The following SLC37A1 variants were observed in gnomAD, a reference collection of about 807,000 sequenced individuals.
SLC37A1 encodes the protein solute carrier family 37 member 1.
SLC37A1 carries 49 observed loss-of-function variants against 75.3 expected under a neutral mutation model. That is an observed-to-expected ratio of 0.65 (90% CI 0.52 to 0.83). The LOEUF (loss-of-function observed/expected upper bound fraction) is 0.83. SLC37A1 is among the 40% of genes least tolerant of loss of function. SLC37A1 has a pLI of 0.00. For missense variants in SLC37A1, 566 were observed against 695.0 expected (o/e 0.81, Z 2.09); for synonymous variants, 268 against 292.1 (o/e 0.92, Z 0.84).
rs200142719 is a variant in SLC37A1, at chr21:42,514,885, GTGCC to G, written c.-179+185_-179+188del. ...TCTCCCTTAGCTCTTTGCCTGGAAG[GTGCC>G]TGCCTGCCTGCCTGCCGGCCCTTGA... On this transcript the variant is annotated intron_variant, in intron 1 of 19. Coordinates refer to ENST00000352133, the MANE Select transcript of SLC37A1 (RefSeq NM_001320537.2). The surrounding 1 kb of genome is among the most constrained non-coding windows in gnomAD (Gnocchi z 4.8). The G allele has an allele frequency of 2.0e-5, 3 of 152,364 alleles. No homozygotes were observed. The highest frequency in any genetic ancestry group is 2.9e-5 in the Non-Finnish European group (2 of 68,166). The allele number at this position is 152,364 out of a possible 1,614,324, so 9.4% of individuals were successfully genotyped here. A position where few individuals can be genotyped will look rare whatever the true frequency, so the allele number is the denominator to read the frequency against.
chr21:42,572,894 A>G (rs2056220010), intron 17 of SLC37A1, among the ~76,000 whole-genome samples: 1 of 151,954 alleles, frequency 6.6e-6, no homozygotes, highest in Non-Finnish European at 1.5e-5. Context: ...ATCACTTCCC[A>G]TGGAAGAAGG....
At chr21:42,526,082 T>A (rs1015927549) in intron 3 of SLC37A1, 8 of 469,568 alleles carry the variant, frequency 1.7e-5, no homozygotes, top group Non-Finnish European at 2.6e-5. Context: ...TTAGTTTTAT[T>A]AGTTGACATT....
chr21:42,559,227 A>G, intron 11 of SLC37A1, 138 bp downstream of exon 11: 1 of 1,078,966 alleles, frequency 9.3e-7, no homozygotes, highest in Admixed American at 2.9e-5. Flanking sequence ...CCAAAGCTAG[A>G]CGCTGCACAG....
chr21:42,557,605 G>A (rs542889547), intron 10 of SLC37A1, among the ~76,000 whole-genome samples: 10 of 152,314 alleles, frequency 6.6e-5, no homozygotes, highest in East Asian at 1.9e-4. Flanking sequence ...CTGTGAAGCC[G>A]GGCTTCCTGG....
rs1408656862 is a variant in SLC37A1, at chr21:42,570,253, G to A, written c.1423+1815G>A. 5.1e-4 allele frequency among the ~76,000 whole-genome samples: 71 copies of A among 139,452 alleles called. 1 individual carries two copies. The highest frequency in any genetic ancestry group is 3.6e-3 in the Middle Eastern group (1 of 276). 91.5% of individuals were successfully genotyped at this position (139,452 alleles called of 152,430 possible). ...GCCATGTCATGTGACACACGGCCTG[G>A]TTCTGAGAAGCGGCAGGCAGGGTGG... On this transcript the variant is annotated intron_variant, in intron 17 of 19. Coordinates refer to ENST00000352133, the MANE Select transcript of SLC37A1 (RefSeq NM_001320537.2).
At position 42,513,964 on chromosome 21, in the gene SLC37A1, C is replaced by A. The variant is rs968053622; in HGVS notation, c.-932C>A. On this transcript the variant is annotated 5_prime_UTR_variant, in exon 1 of 20. Transcript: ENST00000352133. ...CGGGGCCGGACCGGGAGGCGGGGAC[C>A]CCCCGCCCCCCCGCCCGCACCTGCG... 1.2e-4 allele frequency: 17 copies of A among 145,840 alleles called. No homozygotes were observed. The highest frequency in any genetic ancestry group is 4.2e-4 in the African/African-American group (17 of 40,714). 9.0% of individuals were successfully genotyped at this position (145,840 alleles called of 1,614,324 possible).
intron 5 of SLC37A1, 104 bp from the exon 6 acceptor site, chr21:42,539,408 G>A: frequency 7.5e-7 from 1 of 1,338,556 alleles, no homozygotes; most frequent in Non-Finnish European, 1.0e-6. Flanking sequence ...AGTTCCCCAA[G>A]CTCAGAGAAC....
chr21:42,563,768 C>G (rs751935696), intron 12 of SLC37A1, 47 bp from the exon 13 acceptor site: 1 of 1,583,580 alleles, frequency 6.3e-7, no homozygotes, highest in Admixed American at 1.7e-5. Context: ...CGCTGCGATG[C>G]GTGAAGGAGA....
chr21:42,566,009 C>CG, intron 15 of SLC37A1, 134 bp downstream of exon 15: 1 of 847,082 alleles, frequency 1.2e-6, no homozygotes, highest in South Asian at 1.6e-5. Context: ...TAAAATTGTC[C>CG]GTGTCCTCCT....
intron 3 of SLC37A1, among the ~76,000 whole-genome samples, chr21:42,530,181 T>C (rs1156305194): frequency 6.6e-6 from 1 of 152,156 alleles, no homozygotes; most frequent in East Asian, 1.9e-4. Context: ...CTCAGAAACA[T>C]TTCCAGGAGG....
intron 2 of SLC37A1, among the ~76,000 whole-genome samples, chr21:42,524,525 A>G (rs138796409): frequency 1.2e-4 from 19 of 152,282 alleles, no homozygotes; most frequent in Non-Finnish European, 2.5e-4. Flanking sequence ...TGAAATATTT[A>G]TATGTCTGCC....
At position 42,579,868 on chromosome 21, in the gene SLC37A1, C is replaced by T. The variant is rs1199938078; in HGVS notation, c.1586+68C>T. On this transcript the variant is annotated intron_variant, in intron 19 of 19. Transcript: ENST00000352133. Reference sequence around the variant, plus strand: ...TCCAAAGTGCCTTCTGTCCTATCTGCCTTCTGCACCTGGCTTTCCTGAAAG... The same window carrying T: ...TCCAAAGTGCCTTCTGTCCTATCTGTCTTCTGCACCTGGCTTTCCTGAAAG... 6 of 1,479,396 alleles carry T rather than the reference C, an allele frequency of 4.1e-6. No individual in the cohort carries two copies. In the African/African-American group the frequency reaches 6.9e-5, roughly 17 times the overall value. 91.6% of individuals were successfully genotyped at this position (1,479,396 alleles called of 1,614,324 possible). A position where few individuals can be genotyped will look rare whatever the true frequency, so the allele number is the denominator to read the frequency against.
intron 9 of SLC37A1, among the ~76,000 whole-genome samples, chr21:42,551,752 A>G (rs2055562627): frequency 6.6e-6 from 1 of 152,164 alleles, no homozygotes; most frequent in East Asian, 1.9e-4. Context: ...CTGATTGGTT[A>G]ATTTAATGTG....
At chr21:42,576,068 T>A in intron 18 of SLC37A1, 1 of 581,724 alleles carries the variant, frequency 1.7e-6, no homozygotes, top group South Asian at 7.5e-5. Flanking sequence ...GCCAGAATTG[T>A]AAAGGCAATA....
At chr21:42,563,734 G>C in intron 12 of SLC37A1, 81 bp from the exon 13 acceptor site, 8 of 1,320,510 alleles carry the variant, frequency 6.1e-6, no homozygotes, top group Non-Finnish European at 7.6e-6. Context: ...TCCCGTGCAC[G>C]GGTCCTGTTC....
chr21:42,540,915 G>C (rs1033412383), intron 6 of SLC37A1, among the ~76,000 whole-genome samples: 11 of 152,218 alleles, frequency 7.2e-5, no homozygotes, highest in African/African-American at 2.7e-4. Flanking sequence ...GCATGTTTCT[G>C]GAGTGAAGGC....
At chr21:42,534,522 T>A (rs1254116159) in intron 3 of SLC37A1, among the ~76,000 whole-genome samples, 176 bp from the exon 4 acceptor site, 1 of 152,194 alleles carries the variant, frequency 6.6e-6, no homozygotes, top group Non-Finnish European at 1.5e-5. Context: ...CAGGCATTCT[T>A]GTGGGTCCTG....
At chr21:42,537,262 G>A (rs184383323) in intron 5 of SLC37A1, among the ~76,000 whole-genome samples, 9 of 152,356 alleles carry the variant, frequency 5.9e-5, no homozygotes, top group Non-Finnish European at 1.0e-4. Flanking sequence ...AGTGTGTGGT[G>A]TGCAGCAGAC....
At chr21:42,575,765 A>G (rs922548112) in intron 18 of SLC37A1, 14 of 985,270 alleles carry the variant, frequency 1.4e-5, no homozygotes, top group Non-Finnish European at 1.7e-5. Context: ...TTTTAATTCC[A>G]GGAAATTCTA....
Sources: allele counts gnomAD v4.1 joint callset (sites outside exome capture counted in the v4.1 genomes callset), GRCh38; gene constraint gnomAD v4.1.1; non-coding constraint Gnocchi (gnomAD v3.1); transcripts MANE v1.5; gene names NCBI Gene and HGNC (gene_info 2026-07-23, HGNC 2026-07-21).